SMYD3: variants seen among roughly 807,000 people sequenced by gnomAD.
SMYD3 encodes the protein SET and MYND domain containing 3.
A neutral mutation model predicts 57.7 loss-of-function variants in SMYD3; 36 were observed. The ratio of observed to expected loss-of-function variants is 0.62; its 90% CI spans 0.48 to 0.82. The LOEUF is 0.82. SMYD3 is among the 40% of genes least tolerant of loss of function. The pLI is 0.00. For synonymous variants in SMYD3, 211 were observed against 195.0 expected (o/e 1.08, Z -0.68); for missense variants, 515 against 538.8 (o/e 0.96, Z 0.44).
chr1:246,077,262 T>C (rs2060564698), intron 5 of SMYD3, among the ~76,000 whole-genome samples: 2 of 152,196 alleles, frequency 1.3e-5, no homozygotes, highest in South Asian at 4.1e-4. Context: ...AGTGACATTT[T>C]TCATCATTTA....
intron 5 of SMYD3, among the ~76,000 whole-genome samples, chr1:246,296,883 G>A (rs2153382): frequency 0.18 from 27,967 of 152,016 alleles, 2,711 homozygotes; most frequent in East Asian, 0.28. Context: ...TTGAGATAGC[G>A]TTCTTAAAGA....
At chr1:245,804,913 T>C (rs2048066367) in intron 10 of SMYD3, among the ~76,000 whole-genome samples, 1 of 152,212 alleles carries the variant, frequency 6.6e-6, no homozygotes, top group African/African-American at 2.4e-5. Context: ...TGGTATTTTG[T>C]TGTGGCAGCA....
In SMYD3 at chr1:245,833,073, A is replaced by AAAAAAAAAAAAAAAAAAAAAAAC; in HGVS notation, c.1076+25422_1076+25423insGTTTTTTTTTTTTTTTTTTTTTT. Among the ~76,000 whole-genome samples the AAAAAAAAAAAAAAAAAAAAAAAC allele has an allele frequency of 1.6e-4, 20 of 128,664 alleles. 2 individuals carry two copies. In the East Asian group the frequency reaches 2.0e-3, roughly 13 times the overall value. The allele number at this position is 128,664 out of a possible 152,430, so 84.4% of individuals were successfully genotyped here. A position where few individuals can be genotyped will look rare whatever the true frequency, so the allele number is the denominator to read the frequency against. On this transcript the variant is annotated intron_variant, in intron 10 of 11. Transcript: ENST00000490107. ...GGAATATGTGACAAAAAAAAAAAAAAAACCTGCTTTTATAATGCTGATTCA... is the reference window on the plus strand; with the variant it reads ...GGAATATGTGACAAAAAAAAAAAAAAAAAAAAAAAAAAAAAAAAAAAACAACCTGCTTTTATAATGCTGATTCA...
intron 10 of SMYD3, among the ~76,000 whole-genome samples, chr1:245,770,704 G>C (rs530543387): frequency 6.6e-6 from 1 of 152,166 alleles, no homozygotes; most frequent in Non-Finnish European, 1.5e-5. Flanking sequence ...TACTGAAATG[G>C]TAAGGTTCTC....
intron 8 of SMYD3, among the ~76,000 whole-genome samples, chr1:245,892,147 C>T (rs2053427426): frequency 6.6e-6 from 1 of 152,130 alleles, no homozygotes; most frequent in Non-Finnish European, 1.5e-5. Context: ...GCAGAGACAA[C>T]TAAAAATTGG....
intron 5 of SMYD3, among the ~76,000 whole-genome samples, chr1:246,248,880 T>C (rs993786794): frequency 2.1e-5 from 3 of 141,430 alleles, no homozygotes; most frequent in Non-Finnish European, 4.5e-5. Flanking sequence ...ATGGTCTCAA[T>C]CTCCTGACCT....
At chr1:246,344,332 C>T (rs12141267) in intron 2 of SMYD3, among the ~76,000 whole-genome samples, 84,922 of 152,130 alleles carry the variant, frequency 0.56, 24,477 homozygotes, top group Middle Eastern at 0.71. Context: ...ATTGTAAGAT[C>T]AGTTTTGTCT....
At chr1:246,122,573 A>C (rs2061440278) in intron 5 of SMYD3, among the ~76,000 whole-genome samples, 2 of 152,254 alleles carry the variant, frequency 1.3e-5, no homozygotes, top group Non-Finnish European at 2.9e-5. Flanking sequence ...TAATCCCATT[A>C]CATGCTAATG....
At chr1:246,274,611 C>A (rs2064293589) in intron 5 of SMYD3, among the ~76,000 whole-genome samples, 1 of 152,186 alleles carries the variant, frequency 6.6e-6, no homozygotes, top group African/African-American at 2.4e-5. Context: ...GGTTGAGTCC[C>A]TCTATCCAGT....
chr1:246,218,058 C>T (rs1035965274), intron 5 of SMYD3, among the ~76,000 whole-genome samples: 8 of 151,758 alleles, frequency 5.3e-5, no homozygotes, highest in African/African-American at 1.9e-4. Flanking sequence ...AACAATACAG[C>T]GATAAAACTG....
intron 5 of SMYD3, among the ~76,000 whole-genome samples, chr1:246,262,042 A>G (rs1228313075): frequency 1.3e-5 from 2 of 152,134 alleles, no homozygotes; most frequent in East Asian, 3.8e-4. Flanking sequence ...TTATTCTTCC[A>G]TGCTCTCCTA....
chr1:245,875,277 T>A (rs2052425960), intron 8 of SMYD3, among the ~76,000 whole-genome samples: 1 of 152,216 alleles, frequency 6.6e-6, no homozygotes, highest in African/African-American at 2.4e-5. Flanking sequence ...GACAAAGGTC[T>A]GACGGAGCTT....
intron 7 of SMYD3, among the ~76,000 whole-genome samples, chr1:245,921,369 G>C (rs1367177420): frequency 6.6e-6 from 1 of 152,134 alleles, no homozygotes; most frequent in Non-Finnish European, 1.5e-5. Context: ...AAGCAGTTTG[G>C]AGAGGAGCTC....
chr1:245,955,774 A>G (rs185239194), intron 5 of SMYD3: 2 of 217,548 alleles, frequency 9.2e-6, no homozygotes, highest in Non-Finnish European at 1.6e-5. Flanking sequence ...TCCCCCATGG[A>G]TAAGGAGGCA....
chr1:245,751,578 AAGAGAGAGAGAGAGAAAG>A (rs1335240617), intron 11 of SMYD3, among the ~76,000 whole-genome samples: 1 of 113,576 alleles, frequency 8.8e-6, no homozygotes, highest in Non-Finnish European at 1.9e-5. Context: ...GAGAAAGAGA[AAGAGAGAGAGAGAGAAAG>A]AGAGAGAGAG....
chr1:246,320,544 C>T (rs988603021), intron 5 of SMYD3, among the ~76,000 whole-genome samples: 3 of 152,164 alleles, frequency 2.0e-5, no homozygotes, highest in Admixed American at 2.0e-4. Context: ...AGGAAGGTCA[C>T]TTTTATTCTT....
At chr1:246,445,028 G>C (rs2103023715) in intron 1 of SMYD3, among the ~76,000 whole-genome samples, 1 of 152,228 alleles carries the variant, frequency 6.6e-6, no homozygotes, top group East Asian at 1.9e-4. Flanking sequence ...TCCTCTTTAA[G>C]ACAGGAGCAC....
At chr1:246,103,047 A>T (rs1157192096) in intron 5 of SMYD3, among the ~76,000 whole-genome samples, 1 of 152,164 alleles carries the variant, frequency 6.6e-6, no homozygotes, top group Non-Finnish European at 1.5e-5. Flanking sequence ...GAGCTACCTG[A>T]GGGCAGGATT....
chr1:246,452,436 G>A (rs923414107), intron 1 of SMYD3, among the ~76,000 whole-genome samples: 1 of 152,130 alleles, frequency 6.6e-6, no homozygotes, highest in South Asian at 2.1e-4. Context: ...CGTTTGGGAG[G>A]TGGAAGTTGC....
Sources: gnomAD v4.1 joint callset for allele counts (sites outside exome capture counted in the v4.1 genomes callset) on GRCh38, gnomAD v4.1.1 for gene constraint, MANE v1.5 for transcripts, NCBI Gene and HGNC (gene_info 2026-07-23, HGNC 2026-07-21) for gene names.